WDR3: variants seen among roughly 807,000 people sequenced by gnomAD.
The protein encoded by WDR3 is WD repeat-containing protein 3.
Under a neutral mutation model 123.7 loss-of-function variants are expected in WDR3, and 81 were observed. The observed-to-expected ratio is 0.65, with a 90% confidence interval of 0.55 to 0.79. The LOEUF is 0.79. Among genes scored for constraint, WDR3 ranks in the 30% least tolerant of loss-of-function variants. The pLI is 0.00. For missense variants in WDR3, 1,027 were observed against 1,123.2 expected (o/e 0.91, Z 1.22); for synonymous variants, 390 against 388.8 (o/e 1.00, Z -0.04).
chr1:117,937,112 A>G (rs1650969542), intron 4 of WDR3, among the ~76,000 whole-genome samples: 1 of 151,924 alleles, frequency 6.6e-6, no homozygotes, highest in Non-Finnish European at 1.5e-5. Context: ...TTTTTTCTTG[A>G]TATCAGTTTT....
At position 117,934,519 on chromosome 1, in the gene WDR3, C is replaced by T. The variant is rs886951746; in HGVS notation, c.218C>T (p.Pro73Leu). Residue 73 changes from proline (P) to leucine (L), a missense_variant, in exon 3 of 27, where the codon CCC becomes CTC. Pro to Leu is a moderately conservative substitution (Grantham distance 98). Transcript: ENST00000349139. ...GLKQEVTCLCPSPDGLHLAVG... is the reference protein window; with the variant it reads ...GLKQEVTCLCLSPDGLHLAVG... ...AAACAAGAAGTTACTTGCTTATGCC[C>T]CTCCCCAGATGGGCTACACTTAGCT... is the stretch of plus-strand genomic sequence containing the variant. 1 of 1,614,084 alleles carries T rather than the reference C, an allele frequency of 6.2e-7. No homozygotes were observed. The highest frequency in any genetic ancestry group is 8.5e-7 in the Non-Finnish European group (1 of 1,180,006).
At chr1:117,957,046 A>G in intron 24 of WDR3, 22 bp from the exon 25 acceptor site, 1 of 1,537,774 alleles carries the variant, frequency 6.5e-7, no homozygotes, top group Non-Finnish European at 8.7e-7. Context: ...TGGCATTTTT[A>G]TATTTATTTT....
chr1:117,942,653 G>T, intron 10 of WDR3, 109 bp downstream of exon 10: 1 of 968,958 alleles, frequency 1.0e-6, no homozygotes, highest in East Asian at 2.6e-5. Context: ...ATGTGGAGAC[G>T]GTGGTCATGA....
Position 117,933,216 on chromosome 1 carries a change from A to G in WDR3, c.-32-72A>G, listed in dbSNP as rs570182256. 7.5e-4 allele frequency: 996 copies of G among 1,333,070 alleles called. 13 individuals carry two copies. The South Asian group carries it at 0.013, about 17-fold the overall frequency. The allele number at this position is 1,333,070 out of a possible 1,614,324, so 82.6% of individuals were successfully genotyped here. On this transcript the variant is annotated intron_variant, in intron 1 of 26. Transcript: ENST00000349139. The stretch of plus-strand genomic sequence containing the variant: ...GAGACTCTGTCTCAAAAACAAAAAA[A>G]CAGTTGGTGTTTACTAACCTAGTAG...
Position 117,938,523 on chromosome 1 carries a change from C to T in WDR3, c.544C>T (p.His182Tyr), listed in dbSNP as rs1182159402. ...GAAATGGTGGGACCTTGATACTCAG[C>T]ACTGCTTTAAAACAATGGTTGGCCA... The part of the protein sequence containing the change: ...MVKWWDLDTQ[H>Y]CFKTMVGHRT... The change falls in exon 5 of 27, where the codon CAC becomes TAC. Residue 182 changes from histidine (H) to tyrosine (Y), a missense_variant. Physicochemically the swap from His to Tyr is moderately conservative, Grantham distance 83. Transcript: ENST00000349139. 4.3e-6 allele frequency: 7 copies of T among 1,613,352 alleles called. No individual in the cohort carries two copies. The highest frequency in any genetic ancestry group is 1.7e-5 in the Admixed American group (1 of 60,000).
At chr1:117,952,781 G>A in intron 19 of WDR3, 119 bp downstream of exon 19, 1 of 1,463,504 alleles carries the variant, frequency 6.8e-7, no homozygotes, top group Non-Finnish European at 9.3e-7. Context: ...GAACCTTCAG[G>A]AGATCTTTTC....
rs1200763031 is a variant in WDR3, at chr1:117,962,094, T to A, written c.*2647T>A. The A allele has an allele frequency of 2.0e-5, 3 of 151,824 alleles. No individual in the cohort carries two copies. Among genetic ancestry groups the A allele is most frequent in the Non-Finnish European group, 4.4e-5 (3 of 67,978 alleles). The allele number at this position is 151,824 out of a possible 1,614,324, so 9.4% of individuals were successfully genotyped here. A position where few individuals can be genotyped will look rare whatever the true frequency, so the allele number is the denominator to read the frequency against. ...TACTCTTATGTTAAAAGTTGCTGTT[T>A]TCCCGTAGCTTTGCCACCATTTATA... On this transcript the variant is annotated 3_prime_UTR_variant, in exon 27 of 27. Coordinates refer to ENST00000349139, the MANE Select transcript of WDR3 (RefSeq NM_006784.3).
chr1:117,951,259 G>A (rs1176348271), intron 16 of WDR3, among the ~76,000 whole-genome samples: 1 of 151,808 alleles, frequency 6.6e-6, no homozygotes, highest in Non-Finnish European at 1.5e-5. Flanking sequence ...GAGGAGCTCG[G>A]ATTTATATTT....
At chr1:117,941,061 GT>G (rs1396453699) in intron 7 of WDR3, 62 bp from the exon 8 acceptor site, 6 of 1,596,238 alleles carry the variant, frequency 3.8e-6, no homozygotes, top group Non-Finnish European at 4.3e-6. Flanking sequence ...TTAGAATTAT[GT>G]TTTTTTCAGA....
At position 117,953,495 on chromosome 1, in the gene WDR3, G is replaced by T; in HGVS notation, c.2222G>T (p.Gly741Val). 3 of 1,612,864 alleles carry T rather than the reference G, an allele frequency of 1.9e-6. No individual in the cohort carries two copies. Among genetic ancestry groups the T allele is most frequent in the Non-Finnish European group, 2.5e-6 (3 of 1,179,156 alleles). Residue 741 changes from glycine to valine, a missense_variant, in exon 21 of 27, where the codon GGT becomes GTT. By Grantham distance (109) the Gly-to-Val change is moderately radical (BLOSUM62 -3). Coordinates refer to ENST00000349139, the MANE Select transcript of WDR3 (RefSeq NM_006784.3). ...TGGCAGGTTCCAGGAGAGACTCAAG[G>T]TGACAGTTACTTTACTGGAAAGAAA... Reference protein sequence around the residue: ...DQPAVPGETQGDSYFTGKKTI... With the variant: ...DQPAVPGETQVDSYFTGKKTI...
At position 117,959,511 on chromosome 1, in the gene WDR3, CAGA is replaced by C; in HGVS notation, c.*68_*70del. The C allele has an allele frequency of 6.9e-7, 1 of 1,454,606 alleles. No homozygotes were observed. The highest frequency in any genetic ancestry group is 9.1e-7 in the Non-Finnish European group (1 of 1,094,560). 90.1% of individuals were successfully genotyped at this position (1,454,606 alleles called of 1,614,324 possible). A position where few individuals can be genotyped will look rare whatever the true frequency, so the allele number is the denominator to read the frequency against. On this transcript the variant is annotated 3_prime_UTR_variant, in exon 27 of 27. Transcript: ENST00000349139. ...CTTTAAAGGACTCCTAAACTAAGCACAGAAGAGTTGGCGTCATCTTAAAAATAC... is the reference window on the plus strand; with the variant it reads ...CTTTAAAGGACTCCTAAACTAAGCACAGAGTTGGCGTCATCTTAAAAATAC...
At chr1:117,940,168 C>G (rs182708563) in intron 6 of WDR3, among the ~76,000 whole-genome samples, 2 of 152,232 alleles carry the variant, frequency 1.3e-5, no homozygotes, top group South Asian at 2.1e-4. Flanking sequence ...ATATGGTCAA[C>G]CTTTCACCTA....
At chr1:117,948,590 A>AT in intron 13 of WDR3, 84 bp downstream of exon 13, 1 of 669,826 alleles carries the variant, frequency 1.5e-6, no homozygotes, top group Non-Finnish European at 2.2e-6. Flanking sequence ...AGAAAGCCTG[A>AT]GGTTTTTTTT....
At chr1:117,938,640 C>A in intron 5 of WDR3, 82 bp downstream of exon 5, 2 of 1,282,034 alleles carry the variant, frequency 1.6e-6, no homozygotes, top group Non-Finnish European at 2.2e-6. Flanking sequence ...CCTTTCATGG[C>A]TCTTTGTTTT....
Position 117,946,102 on chromosome 1 carries a change from A to T in WDR3, c.1345A>T (p.Ile449Phe), listed in dbSNP as rs1284513071. The change falls in exon 12 of 27, where the codon ATT (isoleucine) becomes TTT (phenylalanine). Residue 449 changes from isoleucine to phenylalanine, a missense_variant. Ile to Phe is a conservative substitution (Grantham distance 21, BLOSUM62 0). Coordinates refer to ENST00000349139, the MANE Select transcript of WDR3 (RefSeq NM_006784.3). Reference sequence around the variant, plus strand: ...TTCTCATAGGTCTACACTGCAGTGTATTCGCACAATGACCTGTGAATATGC... The same window carrying T: ...TTCTCATAGGTCTACACTGCAGTGTTTTCGCACAATGACCTGTGAATATGC... ...KIWNRSTLQC[I>F]RTMTCEYALC... 6.2e-7 allele frequency: 1 copy of T among 1,612,706 alleles called. No individual in the cohort carries two copies. Among genetic ancestry groups the T allele is most frequent in the South Asian group, 1.1e-5 (1 of 90,862 alleles).
rs1650631176 is a variant in WDR3 at position 117,929,793 on chromosome 1, G to A, written c.-33+11G>A. ...CTCGTGGAGGCTGAGGTGAGTCCTG[G>A]AGGTGCGTGGTTGGGGCGGAGAGCA... On this transcript the variant is annotated intron_variant, in intron 1 of 26. Transcript: ENST00000349139. 1 of 152,510 alleles carries A rather than the reference G, an allele frequency of 6.6e-6. No homozygotes were observed. Among genetic ancestry groups the A allele is most frequent in the Admixed American group, 6.5e-5 (1 of 15,298 alleles). The allele number at this position is 152,510 out of a possible 1,614,324, so 9.4% of individuals were successfully genotyped here.
rs1167680884 is a variant in WDR3 at position 117,934,535 on chromosome 1, A to G, written c.234A>G (p.Leu78=). 6.2e-7 allele frequency: 1 copy of G among 1,614,066 alleles called. No homozygotes were observed. The highest frequency in any genetic ancestry group is 8.5e-7 in the Non-Finnish European group (1 of 1,180,032). ...GCTTATGCCCCTCCCCAGATGGGCT[A>G]CACTTAGCTGTTGGGTATGAGGATG... is the stretch of plus-strand genomic sequence containing the variant. The part of the protein sequence containing the change: ...VTCLCPSPDG[L]HLAVGYEDGS... Residue 78 remains leucine (L), a synonymous_variant, in exon 3 of 27, where the codon CTA becomes CTG. Transcript: ENST00000349139.
chr1:117,944,741 G>A (rs113623654), intron 11 of WDR3, among the ~76,000 whole-genome samples: 2,906 of 152,072 alleles, frequency 0.019, 87 homozygotes, highest in African/African-American at 0.063. Flanking sequence ...TCGCTCTGTC[G>A]CCCAGGCTGG....
At chr1:117,958,435 C>CT (rs1355596395) in intron 25 of WDR3, among the ~76,000 whole-genome samples, 8 of 152,096 alleles carry the variant, frequency 5.3e-5, no homozygotes, top group Non-Finnish European at 1.5e-5. Flanking sequence ...GTATCAGAGG[C>CT]TTATGGATGG....
Sources: gnomAD v4.1 joint callset for allele counts (sites outside exome capture counted in the v4.1 genomes callset) on GRCh38, gnomAD v4.1.1 for gene constraint, MANE v1.5 for transcripts, NCBI Gene and HGNC (gene_info 2026-07-23, HGNC 2026-07-21) for gene names.